Variants in ADGRL3 observed in about 807,000 individuals in gnomAD.
ADGRL3 encodes calcium-independent alpha-latrotoxin receptor 3.
Under a neutral mutation model 153.5 loss-of-function variants are expected in ADGRL3, and 62 were observed. The ratio of observed to expected loss-of-function variants is 0.40; its 90% CI spans 0.33 to 0.50. The LOEUF (loss-of-function observed/expected upper bound fraction) is 0.50. Ranked by LOEUF, ADGRL3 falls within the 20% of genes least tolerant of loss-of-function variation. The pLI is 0.47. For missense variants in ADGRL3, 1,641 were observed against 1,859.4 expected, an observed-to-expected ratio of 0.88 and a Z score of 2.16; for synonymous variants, 710 against 672.5, an observed-to-expected ratio of 1.06 and a Z score of -0.86.
chr4:61,981,555 A>C (rs1227996202), intron 18 of ADGRL3, among the ~76,000 whole-genome samples: 1 of 152,162 alleles, frequency 6.6e-6, no homozygotes, highest in Non-Finnish European at 1.5e-5. Flanking sequence ...AAAAAAGAAC[A>C]GCACTAGCCA....
chr4:61,373,133 C>T lies in ADGRL3; in HGVS notation c.-239-9991C>T, dbSNP rs1033883103. On this transcript the variant is annotated intron_variant, in intron 1 of 26. Transcript: ENST00000683033. ...ACTGACCTGCGCCCACTGTCTGGCA[C>T]TCCCTAGTGAGATGAACCCGGTACC... Among the ~76,000 whole-genome samples the T allele has an allele frequency of 3.7e-4, 56 of 152,182 alleles. 1 individual carries two copies. Among genetic ancestry groups the T allele is most frequent in the Non-Finnish European group, 7.3e-5 (5 of 68,048 alleles).
intron 2 of ADGRL3, among the ~76,000 whole-genome samples, chr4:61,486,711 T>G (rs533057275): frequency 1.3e-5 from 2 of 152,362 alleles, no homozygotes; most frequent in African/African-American, 4.8e-5. Flanking sequence ...GAAATCATAC[T>G]GATATATTTT....
intron 1 of ADGRL3, among the ~76,000 whole-genome samples, chr4:61,315,359 T>A (rs1441285751): frequency 6.6e-6 from 1 of 152,182 alleles, no homozygotes; most frequent in Non-Finnish European, 1.5e-5. Flanking sequence ...GGATTGATTG[T>A]GCTGTATAGG....
rs899184669 is a variant in ADGRL3 at position 62,073,372 on chromosome 4, T to C, written c.*2464T>C. 2.0e-5 allele frequency: 3 copies of C among 152,116 alleles called. No homozygotes were observed. The highest frequency in any genetic ancestry group is 7.2e-5 in the African/African-American group (3 of 41,436). The allele number at this position is 152,116 out of a possible 1,614,324, so 9.4% of individuals were successfully genotyped here. On this transcript the variant is annotated 3_prime_UTR_variant, in exon 27 of 27. Transcript: ENST00000683033. ...CACAAGCGTTAATGATAATTAGGTT[T>C]TCTCACACCACACTATGGCAATATT... is the stretch of plus-strand genomic sequence containing the variant.
At chr4:62,004,772 C>G (rs2099152081) in intron 21 of ADGRL3, among the ~76,000 whole-genome samples, 1 of 151,974 alleles carries the variant, frequency 6.6e-6, no homozygotes, top group African/African-American at 2.4e-5. Context: ...ATACTGTGAA[C>G]ACTTTAGTTT....
At position 62,068,988 on chromosome 4, in the gene ADGRL3, A is replaced by G. The variant is rs374522739; in HGVS notation, c.3832+805A>G. Among the ~76,000 whole-genome samples the G allele has an allele frequency of 7.9e-5, 12 of 152,322 alleles. 1 individual carries two copies. The highest frequency in any genetic ancestry group is 2.0e-4 in the Admixed American group (3 of 15,300). On this transcript the variant is annotated intron_variant, in intron 26 of 26. Transcript: ENST00000683033. The stretch of plus-strand genomic sequence containing the variant: ...AGTTAGCAATATATTAAGAAGTTTA[A>G]TAGAATTCTCCAATTAATATTTCTG...
chr4:61,428,159 G>A (rs944833115), intron 2 of ADGRL3: 2 of 152,684 alleles, frequency 1.3e-5, no homozygotes, highest in Non-Finnish European at 2.9e-5. Context: ...TGAATGGATG[G>A]CAGGTAGTTG....
intron 5 of ADGRL3, among the ~76,000 whole-genome samples, chr4:61,658,084 A>C (rs1056474610): frequency 6.6e-6 from 1 of 152,092 alleles, no homozygotes; most frequent in Admixed American, 6.5e-5. Context: ...TTCTTTTTGT[A>C]TTCTTTTTCT....
intron 8 of ADGRL3, among the ~76,000 whole-genome samples, chr4:61,776,566 TC>T (rs2097153717): frequency 6.6e-6 from 1 of 152,132 alleles, no homozygotes; most frequent in African/African-American, 2.4e-5. Context: ...GATCATAAAA[TC>T]TACTGAATTT....
At chr4:61,346,390 G>A (rs1252217897) in intron 1 of ADGRL3, among the ~76,000 whole-genome samples, 2 of 150,716 alleles carry the variant, frequency 1.3e-5, no homozygotes, top group East Asian at 2.0e-4. Flanking sequence ...AATTAAAGTC[G>A]TTTTAACATT....
chr4:61,483,862 A>G (rs1034485341), intron 2 of ADGRL3, among the ~76,000 whole-genome samples: 10 of 150,596 alleles, frequency 6.6e-5, no homozygotes, highest in Non-Finnish European at 1.2e-4. Flanking sequence ...TATAAAATAT[A>G]TAATATATAT....
At chr4:61,747,962 T>C (rs527284252) in intron 8 of ADGRL3, among the ~76,000 whole-genome samples, 16 of 152,266 alleles carry the variant, frequency 1.1e-4, no homozygotes, top group East Asian at 3.9e-4. Flanking sequence ...GGAAACCCCA[T>C]TGTCTCAGCC....
chr4:61,469,400 C>T lies in ADGRL3; in HGVS notation c.-173-27721C>T, dbSNP rs187084970. ...CAAGCACATAGTAAGTATTCAGTAC[C>T]GGGAAGCCATTTCTGACTAAGTAAA... On this transcript the variant is annotated intron_variant, in intron 2 of 26. Coordinates refer to ENST00000683033, the MANE Select transcript of ADGRL3 (RefSeq NM_001387552.1). 8.0e-4 allele frequency among the ~76,000 whole-genome samples: 121 copies of T among 152,074 alleles called. 1 individual carries two copies. Among genetic ancestry groups the T allele is most frequent in the Admixed American group, 4.2e-3 (64 of 15,220 alleles).
chr4:61,675,586 T>C (rs974843540), intron 5 of ADGRL3, among the ~76,000 whole-genome samples: 4 of 151,476 alleles, frequency 2.6e-5, no homozygotes, highest in African/African-American at 9.6e-5. Flanking sequence ...TTAGCCTAAT[T>C]GCCACAAAAG....
intron 1 of ADGRL3, among the ~76,000 whole-genome samples, chr4:61,248,617 A>T (rs1395977036): frequency 6.6e-6 from 1 of 152,208 alleles, no homozygotes; most frequent in Non-Finnish European, 1.5e-5. Context: ...AAATGGATTT[A>T]AAATTAGCTA....
At chr4:61,417,040 T>C (rs1359245347) in intron 2 of ADGRL3, among the ~76,000 whole-genome samples, 2 of 152,196 alleles carry the variant, frequency 1.3e-5, no homozygotes, top group Middle Eastern at 3.4e-3. Context: ...ATAAGGTTCA[T>C]GCTCCTGTGA....
At chr4:61,826,288 T>A (rs1464586162) in intron 9 of ADGRL3, among the ~76,000 whole-genome samples, 1 of 152,114 alleles carries the variant, frequency 6.6e-6, no homozygotes, top group Non-Finnish European at 1.5e-5. Flanking sequence ...TTGAATAGTG[T>A]GTTCAAAGGC....
chr4:61,284,736 G>A (rs979011755), intron 1 of ADGRL3, among the ~76,000 whole-genome samples: 1 of 151,660 alleles, frequency 6.6e-6, no homozygotes. Flanking sequence ...TTTAGGATTG[G>A]TTGTGTGCTT....
At chr4:61,810,190 T>A (rs55890356) in intron 8 of ADGRL3, among the ~76,000 whole-genome samples, 1,580 of 152,186 alleles carry the variant, frequency 0.01, 36 homozygotes, top group African/African-American at 0.035. Flanking sequence ...CATGAAGGAT[T>A]ATGCCCCACG....
Sources: gnomAD v4.1 joint callset for allele counts (sites outside exome capture counted in the v4.1 genomes callset) on GRCh38, gnomAD v4.1.1 for gene constraint, MANE v1.5 for transcripts, NCBI Gene and HGNC (gene_info 2026-07-23, HGNC 2026-07-21) for gene names.